The following DIAPH3 variants were observed in gnomAD, a reference collection of about 807,000 sequenced individuals.
DIAPH3 encodes diaphanous related formin 3.
A neutral mutation model predicts 144.3 loss-of-function variants in DIAPH3; 117 were observed. That is an observed-to-expected ratio of 0.81 (90% CI 0.70 to 0.95). DIAPH3 has a LOEUF of 0.95. Among genes scored for constraint, DIAPH3 ranks in the 40% least tolerant of loss-of-function variants. The probability of loss-of-function intolerance (pLI) is 0.00; values close to 1 mark genes in which losing one functional copy is unlikely to be tolerated. For synonymous variants in DIAPH3, 519 were observed against 488.9 expected (o/e 1.06, Z -0.81); for missense variants, 1,421 against 1,412.7 (o/e 1.01, Z -0.09).
intron 21 of DIAPH3, among the ~76,000 whole-genome samples, chr13:59,867,190 T>C (rs1006757508): frequency 6.6e-6 from 1 of 151,106 alleles, no homozygotes; most frequent in Non-Finnish European, 1.5e-5. Context: ...TAAAACAAGA[T>C]GGTTGAGGCA....
chr13:59,954,750 G>C (rs1300748386), intron 17 of DIAPH3, among the ~76,000 whole-genome samples: 1 of 152,072 alleles, frequency 6.6e-6, no homozygotes, highest in Non-Finnish European at 1.5e-5. Flanking sequence ...AAGGACAAAG[G>C]GGAAGCCAGT....
intron 17 of DIAPH3, among the ~76,000 whole-genome samples, chr13:59,942,349 A>G (rs1037034369): frequency 6.6e-6 from 1 of 152,142 alleles, no homozygotes; most frequent in African/African-American, 2.4e-5. Context: ...CAAATGACTC[A>G]CAGATCTTGC....
intron 5 of DIAPH3, among the ~76,000 whole-genome samples, chr13:60,034,078 A>G (rs1177410336): frequency 6.6e-6 from 1 of 152,236 alleles, no homozygotes; most frequent in Non-Finnish European, 1.5e-5. Context: ...AATTAATCTA[A>G]GGAATAAACT....
intron 27 of DIAPH3, among the ~76,000 whole-genome samples, chr13:59,732,275 G>A (rs975966781): frequency 6.6e-6 from 1 of 151,438 alleles, no homozygotes; most frequent in African/African-American, 2.4e-5. Context: ...CTTCTCACTA[G>A]TGTTACAACC....
At chr13:60,040,216 G>A (rs1594468482) in intron 5 of DIAPH3, among the ~76,000 whole-genome samples, 1 of 93,832 alleles carries the variant, frequency 1.1e-5, no homozygotes. Context: ...AAAAGAGTGA[G>A]ACTCCATCTC....
intron 25 of DIAPH3, among the ~76,000 whole-genome samples, chr13:59,809,743 G>T (rs1400473573): frequency 6.6e-6 from 1 of 152,068 alleles, no homozygotes; most frequent in Non-Finnish European, 1.5e-5. Flanking sequence ...AATACATTAA[G>T]GTACTCGTTT....
chr13:59,794,084 G>A (rs2039461869), intron 25 of DIAPH3, among the ~76,000 whole-genome samples: 1 of 152,150 alleles, frequency 6.6e-6, no homozygotes, highest in Non-Finnish European at 1.5e-5. Flanking sequence ...TACAAAATAG[G>A]TTCTGTGTTA....
intron 17 of DIAPH3, among the ~76,000 whole-genome samples, chr13:59,941,297 T>C (rs999563229): frequency 6.6e-6 from 1 of 151,956 alleles, no homozygotes; most frequent in African/African-American, 2.4e-5. Context: ...GTGTCAGACA[T>C]AGGGAAGACA....
chr13:60,162,435 T>C (rs1325696578), intron 1 of DIAPH3, among the ~76,000 whole-genome samples: 3 of 152,214 alleles, frequency 2.0e-5, no homozygotes, highest in Admixed American at 1.3e-4. Flanking sequence ...AAATCTTTCA[T>C]TGGGAAGTTA....
At chr13:59,703,380 G>A (rs1009792470) in intron 27 of DIAPH3, among the ~76,000 whole-genome samples, 2 of 152,064 alleles carry the variant, frequency 1.3e-5, no homozygotes, top group African/African-American at 2.4e-5. Flanking sequence ...GGAGTCTATC[G>A]GACAATGCAG....
intron 25 of DIAPH3, among the ~76,000 whole-genome samples, chr13:59,790,050 A>G (rs2039247646): frequency 6.6e-6 from 1 of 152,344 alleles, no homozygotes; most frequent in Non-Finnish European, 1.5e-5. Flanking sequence ...CAATTCTACA[A>G]AGATACACTA....
At chr13:60,028,850 G>A (rs2054572560) in intron 5 of DIAPH3, among the ~76,000 whole-genome samples, 2 of 152,112 alleles carry the variant, frequency 1.3e-5, no homozygotes, top group African/African-American at 4.8e-5. Flanking sequence ...CACAAGGTCA[G>A]GAGATCGAGA....
At chr13:60,134,824 A>G (rs1295317472) in intron 1 of DIAPH3, among the ~76,000 whole-genome samples, 1 of 152,242 alleles carries the variant, frequency 6.6e-6, no homozygotes, top group Non-Finnish European at 1.5e-5. Flanking sequence ...TTAGGATGGT[A>G]TGCCACAATA....
At position 59,911,717 on chromosome 13, in the gene DIAPH3, C is replaced by CT; in HGVS notation, c.2367+17dup. On this transcript the variant is annotated intron_variant, in intron 20 of 27. Coordinates refer to ENST00000400324, the MANE Select transcript of DIAPH3 (RefSeq NM_001042517.2). ...GTTTGGCACAGTATAAAAATCCTCT[C>CT]TGAGACTCGGTACTTACCACAACCA... The CT allele has an allele frequency of 6.3e-7, 1 of 1,596,810 alleles. No homozygotes were observed. The highest frequency in any genetic ancestry group is 8.6e-7 in the Non-Finnish European group (1 of 1,164,584).
In DIAPH3 at chr13:59,749,062, T is replaced by C. The variant is rs534516915; in HGVS notation, c.3319+25127A>G. Reference sequence around the variant, plus strand: ...AGCCCCGTCTCTACTGAGAGTGAGATAGTTAGCCAGGTGTGGTGGCATGAA... The same window carrying C: ...AGCCCCGTCTCTACTGAGAGTGAGACAGTTAGCCAGGTGTGGTGGCATGAA... On this transcript the variant is annotated intron_variant, in intron 27 of 27. Coordinates refer to ENST00000400324, the MANE Select transcript of DIAPH3 (RefSeq NM_001042517.2). 9.3e-5 allele frequency among the ~76,000 whole-genome samples: 14 copies of C among 150,474 alleles called. No individual in the cohort carries two copies. In the East Asian group the frequency reaches 1.2e-3, roughly 13 times the overall value.
At chr13:59,974,796 G>A (rs1196809373) in intron 14 of DIAPH3, among the ~76,000 whole-genome samples, 2 of 152,006 alleles carry the variant, frequency 1.3e-5, no homozygotes, top group Admixed American at 6.6e-5. Context: ...ATAATAGAGA[G>A]CAAAGCATTG....
intron 1 of DIAPH3, among the ~76,000 whole-genome samples, chr13:60,142,751 T>C (rs2059452528): frequency 6.6e-6 from 1 of 152,032 alleles, no homozygotes; most frequent in Non-Finnish European, 1.5e-5. Context: ...TTTCCTTTCT[T>C]TTTTATTTTT....
At chr13:60,011,039 A>G (rs1359537227) in intron 7 of DIAPH3, among the ~76,000 whole-genome samples, 2 of 152,084 alleles carry the variant, frequency 1.3e-5, no homozygotes, top group Non-Finnish European at 2.9e-5. Context: ...CGAGAGGTGG[A>G]CATTGCAGTA....
chr13:59,772,536 C>T (rs1458435552), intron 27 of DIAPH3, among the ~76,000 whole-genome samples: 1 of 151,948 alleles, frequency 6.6e-6, no homozygotes, highest in Non-Finnish European at 1.5e-5. Context: ...CAATGCTCAT[C>T]TGCTATATAT....
Sources: gnomAD v4.1 joint callset for allele counts (sites outside exome capture counted in the v4.1 genomes callset) on GRCh38, gnomAD v4.1.1 for gene constraint, MANE v1.5 for transcripts, NCBI Gene and HGNC (gene_info 2026-07-23, HGNC 2026-07-21) for gene names.